TET1: variants seen among roughly 807,000 people sequenced by gnomAD.
The protein encoded by TET1 is tet methylcytosine dioxygenase 1.
A neutral mutation model predicts 148.7 loss-of-function variants in TET1; 13 were observed. The observed-to-expected ratio is 0.09, with a 90% confidence interval of 0.06 to 0.14. The LOEUF (loss-of-function observed/expected upper bound fraction) is 0.14, where lower values mean the gene tolerates loss of function less well. TET1 is among the 10% of genes least tolerant of loss of function. The pLI, the probability that TET1 is intolerant of heterozygous loss-of-function variation, is 1.00. For missense variants in TET1, 2,182 were observed against 2,553.8 expected (o/e 0.85, Z 3.14); for synonymous variants, 907 against 937.2 (o/e 0.97, Z 0.59).
At chr10:68,687,143 C>G (rs1222259199) in intron 11 of TET1, among the ~76,000 whole-genome samples, 1 of 142,190 alleles carries the variant, frequency 7.0e-6, no homozygotes, top group East Asian at 2.4e-4. Flanking sequence ...CCCGCCCCCC[C>G]GCCCCCGCCT....
rs1363347570 is a variant in TET1 at position 68,632,500 on chromosome 10, G to T, written c.1969-12198G>T. 3 of 1,612,868 alleles carry T rather than the reference G, an allele frequency of 1.9e-6. No individual in the cohort carries two copies. The East Asian group carries it at 6.7e-5, about 36-fold the overall frequency. On this transcript the variant is annotated intron_variant, in intron 3 of 11. Transcript: ENST00000373644. ...GTATGGTTCATTAGGATCTGTTGTG[G>T]CTGGCTTTGGACATTTTTTGTTCAC...
chr10:68,595,977 CATATAT>C (rs1434473215), intron 2 of TET1, among the ~76,000 whole-genome samples: 2 of 59,104 alleles, frequency 3.4e-5, no homozygotes, highest in Admixed American at 2.4e-4. Flanking sequence ...CACACACACA[CATATAT>C]ACACACACAC....
chr10:68,646,725 G>A lies in TET1; in HGVS notation c.3996G>A (p.Gln1332=). Residue 1332 remains glutamine, a synonymous_variant, in exon 4 of 12, where the codon CAG becomes CAA. Coordinates refer to ENST00000373644, the MANE Select transcript of TET1 (RefSeq NM_030625.3). The part of the protein sequence containing the change: ...QQVVKEQLMH[Q]RLPTLPGISH... ...TTGTTAAGGAGCAACTCATGCATCA[G>A]AGACTGCCAACATTGCCTGGTATCT... 1 of 1,614,174 alleles carries A rather than the reference G, an allele frequency of 6.2e-7. No individual in the cohort carries two copies. The highest frequency in any genetic ancestry group is 1.3e-5 in the African/African-American group (1 of 75,026).
intron 4 of TET1, among the ~76,000 whole-genome samples, chr10:68,647,218 A>T (rs563559012): frequency 6.2e-4 from 95 of 152,332 alleles, no homozygotes; most frequent in African/African-American, 2.2e-3. Context: ...GGAAAAACAA[A>T]CTTGGAAAAG....
chr10:68,632,186 G>C (rs1053320516), intron 3 of TET1, among the ~76,000 whole-genome samples: 1 of 151,996 alleles, frequency 6.6e-6, no homozygotes, highest in Non-Finnish European at 1.5e-5. Context: ...GCGGGGCGTG[G>C]TGGCGGGCGC....
rs750907944 is a variant in TET1, at chr10:68,646,084, G to C, written c.3355G>C (p.Glu1119Gln). 1.2e-6 allele frequency: 2 copies of C among 1,613,990 alleles called. No individual in the cohort carries two copies. Among genetic ancestry groups the C allele is most frequent in the South Asian group, 2.2e-5 (2 of 91,068 alleles). Reference sequence around the variant, plus strand: ...TAATGTACAGCAAAAATACAATCAGGAGAAGGGCACAATACAACAGAAACC... The same window carrying C: ...TAATGTACAGCAAAAATACAATCAGCAGAAGGGCACAATACAACAGAAACC... ...TCNVQQKYNQEKGTIQQKPPS... is the reference protein window; with the variant it reads ...TCNVQQKYNQQKGTIQQKPPS... Residue 1119 changes from glutamate (E) to glutamine (Q), a missense_variant, in exon 4 of 12, where the codon GAG (glutamate) becomes CAG (glutamine). Around this residue, in one of 11 missense-constraint regions of TET1, gnomAD observed 582 missense variants for 599.5 expected, o/e 0.97. Transcript: ENST00000373644.
chr10:68,666,510 G>A (rs66619260), intron 6 of TET1, among the ~76,000 whole-genome samples: 23,412 of 151,900 alleles, frequency 0.15, 2,038 homozygotes, highest in African/African-American at 0.22. Context: ...TTTTTCCATC[G>A]TCTACATTTG....
At chr10:68,615,022 T>C (rs1186536170) in intron 3 of TET1, among the ~76,000 whole-genome samples, 4 of 151,578 alleles carry the variant, frequency 2.6e-5, no homozygotes, top group African/African-American at 9.7e-5. Flanking sequence ...GCATCCTCCG[T>C]CTCCCAGGTT....
Position 68,645,783 on chromosome 10 carries a change from T to A in TET1, c.3054T>A (p.Asn1018Lys), listed in dbSNP as rs1178253088. Residue 1018 changes from asparagine (N) to lysine (K), a missense_variant, in exon 4 of 12, where the codon AAT (asparagine) becomes AAA (lysine). Physicochemically the swap from Asn to Lys is moderately conservative, Grantham distance 94 (BLOSUM62 0). Around this residue, in one of 11 missense-constraint regions of TET1, gnomAD observed 582 missense variants for 599.5 expected, o/e 0.97. Coordinates refer to ENST00000373644, the MANE Select transcript of TET1 (RefSeq NM_030625.3). Reference sequence around the variant, plus strand: ...CAAATTCATCCAAGATTGACACCAATAAAAGTATTGCTCAAGGGATAATTA... The same window carrying A: ...CAAATTCATCCAAGATTGACACCAAAAAAAGTATTGCTCAAGGGATAATTA... ...PKSNSSKIDT[N>K]KSIAQGIITL... The A allele has an allele frequency of 1.2e-6, 2 of 1,613,904 alleles. No homozygotes were observed. Among genetic ancestry groups the A allele is most frequent in the Non-Finnish European group, 1.7e-6 (2 of 1,179,970 alleles).
intron 2 of TET1, among the ~76,000 whole-genome samples, chr10:68,590,358 C>T (rs188087538): frequency 1.2e-3 from 181 of 152,200 alleles, no homozygotes; most frequent in African/African-American, 4.2e-3. Flanking sequence ...TCTCAAACTC[C>T]TGGGCTCAAG....
At chr10:68,567,985 T>G (rs1405326782) in intron 1 of TET1, among the ~76,000 whole-genome samples, 1 of 151,964 alleles carries the variant, frequency 6.6e-6, no homozygotes, top group Non-Finnish European at 1.5e-5. Flanking sequence ...TTCAAGTGAT[T>G]CTCCTGCCTC....
chr10:68,592,568 C>G (rs1191218311), intron 2 of TET1, among the ~76,000 whole-genome samples: 1 of 151,846 alleles, frequency 6.6e-6, no homozygotes, highest in Admixed American at 6.6e-5. Context: ...ACCTTGCTAC[C>G]CAAGTGGTGG....
At chr10:68,592,352 A>G (rs1179232604) in intron 2 of TET1, among the ~76,000 whole-genome samples, 1 of 152,062 alleles carries the variant, frequency 6.6e-6, no homozygotes, top group Non-Finnish European at 1.5e-5. Flanking sequence ...ACAAAACAAG[A>G]GTTTCAGGTC....
intron 4 of TET1, among the ~76,000 whole-genome samples, chr10:68,648,279 A>T (rs1474396263): frequency 1.3e-5 from 2 of 152,218 alleles, no homozygotes; most frequent in Non-Finnish European, 2.9e-5. Context: ...TATTTGAAAC[A>T]TGTGAAAGCT....
chr10:68,625,225 G>GGTCC (rs1259983897), intron 3 of TET1, among the ~76,000 whole-genome samples: 1 of 152,138 alleles, frequency 6.6e-6, no homozygotes, highest in Non-Finnish European at 1.5e-5. Flanking sequence ...TCCTGGCAAG[G>GGTCC]GTCCTTTGTT....
At chr10:68,644,607 C>T (rs1228792786) in intron 3 of TET1, 91 bp from the exon 4 acceptor site, 9 of 1,275,436 alleles carry the variant, frequency 7.1e-6, no homozygotes, top group Middle Eastern at 2.3e-4. Flanking sequence ...TCCACAGGGG[C>T]TTTACATTTA....
intron 1 of TET1, among the ~76,000 whole-genome samples, chr10:68,565,766 A>G (rs1344660770): frequency 1.3e-5 from 2 of 152,020 alleles, no homozygotes; most frequent in African/African-American, 4.8e-5. Context: ...AAAGAAGTTT[A>G]TGTTTCAATA....
chr10:68,598,496 A>T (rs1487192266), intron 2 of TET1, among the ~76,000 whole-genome samples: 1 of 152,188 alleles, frequency 6.6e-6, no homozygotes, highest in African/African-American at 2.4e-5. Flanking sequence ...CCTATTTTCA[A>T]ATCTTACTGT....
intron 3 of TET1, among the ~76,000 whole-genome samples, chr10:68,636,480 G>T (rs916690172): frequency 2.0e-5 from 3 of 152,148 alleles, no homozygotes; most frequent in Non-Finnish European, 4.4e-5. Context: ...CACTTTGGGA[G>T]GCCAAGGCAG....
Sources: gnomAD v4.1 joint callset for allele counts (sites outside exome capture counted in the v4.1 genomes callset) on GRCh38, gnomAD v4.1.1 for gene constraint, gnomAD v4.1.1 regional missense constraint, MANE v1.5 for transcripts, NCBI Gene and HGNC (gene_info 2026-07-23, HGNC 2026-07-21) for gene names.